Variants in ROBO2 observed in about 807,000 individuals in gnomAD.
The protein encoded by ROBO2 is roundabout guidance receptor 2.
In ROBO2, 53 loss-of-function variants were observed where a neutral mutation model predicts 160.8. That is an observed-to-expected ratio of 0.33 (90% confidence interval 0.26 to 0.41). ROBO2 has a LOEUF of 0.41. ROBO2 is among the 10% of genes least tolerant of loss of function. The pLI is 1.00. For synonymous variants in ROBO2, 664 were observed against 611.7 expected (o/e 1.09, Z -1.26); for missense variants, 1,577 against 1,722.4 (o/e 0.92, Z 1.49).
At position 76,007,402 on chromosome 3, in the gene ROBO2, C is replaced by T. The variant is rs537676231; in HGVS notation, c.109+69800C>T. Among the ~76,000 whole-genome samples the T allele has an allele frequency of 1.1e-4, 16 of 152,180 alleles. No homozygotes were observed. The South Asian group carries it at 3.3e-3, about 32-fold the overall frequency. On this transcript the variant is annotated intron_variant, in intron 2 of 26. Coordinates refer to the ROBO2 transcript ENST00000487694. ...ACTTTCAGTTACACATGGATATCCT[C>T]CATTGTCTATGTTATCATATACTTG...
chr3:76,263,040 A>T (rs1029240988), intron 2 of ROBO2, among the ~76,000 whole-genome samples: 7 of 152,166 alleles, frequency 4.6e-5, no homozygotes, highest in African/African-American at 9.6e-5. Context: ...ACCAGATAGG[A>T]TTGATAGACC....
chr3:77,127,257 G>A (rs2075426209), intron 2 of ROBO2, among the ~76,000 whole-genome samples: 1 of 151,876 alleles, frequency 6.6e-6, no homozygotes. Flanking sequence ...GCTATGCTTG[G>A]CACATAAAAC....
At chr3:76,133,175 A>G (rs1362187221) in intron 2 of ROBO2, among the ~76,000 whole-genome samples, 1 of 152,116 alleles carries the variant, frequency 6.6e-6, no homozygotes, top group South Asian at 2.1e-4. Context: ...ACCTAGTTAA[A>G]CTTCTTAGCC....
chr3:77,561,047 G>A (rs1194658851), intron 9 of ROBO2, among the ~76,000 whole-genome samples: 1 of 152,066 alleles, frequency 6.6e-6, no homozygotes, highest in African/African-American at 2.4e-5. Flanking sequence ...TTCCCTCTGT[G>A]TAATAGAAGA....
chr3:76,434,685 C>T, intron 2 of ROBO2: 1 of 1,129,004 alleles, frequency 8.9e-7, no homozygotes, highest in South Asian at 1.2e-5. Flanking sequence ...GGATCAGGTC[C>T]TCCTCCCCGT....
chr3:76,382,641 A>G (rs1156865974), intron 2 of ROBO2, among the ~76,000 whole-genome samples: 2 of 152,172 alleles, frequency 1.3e-5, no homozygotes, highest in Admixed American at 6.5e-5. Flanking sequence ...ACAACCTAAT[A>G]ATCTTCTATG....
intron 2 of ROBO2, among the ~76,000 whole-genome samples, chr3:76,929,651 A>G (rs2077210423): frequency 6.6e-6 from 1 of 152,178 alleles, no homozygotes; most frequent in Admixed American, 6.5e-5. Context: ...AAAGACTCCA[A>G]TGTCTGTGCA....
chr3:76,863,081 A>G (rs886459449), intron 2 of ROBO2, among the ~76,000 whole-genome samples: 4 of 152,140 alleles, frequency 2.6e-5, no homozygotes, highest in African/African-American at 9.7e-5. Context: ...ATTTCTTATT[A>G]TAAAGGGCAA....
At chr3:75,961,594 T>G (rs2107280156) in intron 2 of ROBO2, among the ~76,000 whole-genome samples, 1 of 151,740 alleles carries the variant, frequency 6.6e-6, no homozygotes, top group African/African-American at 2.4e-5. Context: ...CTTTATAATG[T>G]TTGGGGCTGG....
intron 2 of ROBO2, among the ~76,000 whole-genome samples, chr3:76,823,869 TA>T (rs1017698743): frequency 1.3e-5 from 2 of 152,146 alleles, no homozygotes; most frequent in African/African-American, 4.8e-5. Flanking sequence ...AAAAGAATAA[TA>T]GTGACTTTCC....
rs551735540 is a variant in ROBO2 at position 76,133,571 on chromosome 3, A to G, written c.109+195969A>G. Among the ~76,000 whole-genome samples the G allele has an allele frequency of 3.3e-5, 5 of 152,164 alleles. No individual in the cohort carries two copies. In the East Asian group the frequency reaches 9.7e-4, roughly 29 times the overall value. ...AGCCAGGAAGCCAGTCTGAGTCCCA[A>G]ACCACAAAAGTAGGGAAGCCGACAG... On this transcript the variant is annotated intron_variant, in intron 2 of 26. Transcript: ENST00000487694.
intron 2 of ROBO2, among the ~76,000 whole-genome samples, chr3:76,504,592 A>G (rs1368560475): frequency 7.7e-6 from 1 of 130,534 alleles, no homozygotes; most frequent in Non-Finnish European, 1.5e-5. Context: ...GCAGTGGTGC[A>G]ATCTCAGCTC....
At chr3:77,495,917 C>A (rs1041319480) in intron 5 of ROBO2, among the ~76,000 whole-genome samples, 2 of 152,210 alleles carry the variant, frequency 1.3e-5, no homozygotes, top group Admixed American at 1.3e-4. Flanking sequence ...TTATTTCCAG[C>A]TTAATGTAGG....
rs141197767 is a variant in ROBO2, at chr3:77,004,713, G to A, written c.110-93301G>A. Among the ~76,000 whole-genome samples, 449 of 152,252 alleles carry A rather than the reference G, an allele frequency of 2.9e-3. 1 individual carries two copies. The highest frequency in any genetic ancestry group is 5.2e-3 in the Admixed American group (80 of 15,290). ...ATTTCGCTTTCAGTAAAATGTTTCG[G>A]TGCTGATATTTGTTTTCTCAAATAT... On this transcript the variant is annotated intron_variant, in intron 2 of 26. Coordinates refer to the ROBO2 transcript ENST00000487694.
chr3:76,252,745 G>A lies in ROBO2; in HGVS notation c.109+315143G>A, dbSNP rs151163075. On this transcript the variant is annotated intron_variant, in intron 2 of 26. Transcript: ENST00000487694. Reference sequence around the variant, plus strand: ...TCACATATATACATATATATAAAACGCATGTATATGTATACACACACACAC... The same window carrying A: ...TCACATATATACATATATATAAAACACATGTATATGTATACACACACACAC... 4.6e-3 allele frequency among the ~76,000 whole-genome samples: 531 copies of A among 116,560 alleles called. 5 individuals carry two copies. Among genetic ancestry groups the A allele is most frequent in the African/African-American group, 0.015 (506 of 33,266 alleles). 76.5% of individuals were successfully genotyped at this position (116,560 alleles called of 152,430 possible). A position where few individuals can be genotyped will look rare whatever the true frequency, so the allele number is the denominator to read the frequency against.
intron 2 of ROBO2, among the ~76,000 whole-genome samples, chr3:76,232,977 G>C (rs1362511898): frequency 6.6e-6 from 1 of 152,140 alleles, no homozygotes; most frequent in Admixed American, 6.5e-5. Context: ...TCTTTCTAAA[G>C]AAGAACTGTC....
intron 2 of ROBO2, among the ~76,000 whole-genome samples, chr3:77,131,083 T>C (rs1260851371): frequency 6.6e-6 from 1 of 152,182 alleles, no homozygotes; most frequent in East Asian, 1.9e-4. Flanking sequence ...ATGGCATTAA[T>C]GGGACTGAGA....
At chr3:76,098,389 A>G (rs1025252442) in intron 2 of ROBO2, among the ~76,000 whole-genome samples, 16 of 152,098 alleles carry the variant, frequency 1.1e-4, no homozygotes, top group Non-Finnish European at 2.4e-4. Context: ...ACATATTGTA[A>G]ATTTTATTTT....
At chr3:76,875,654 G>C (rs200303181) in intron 2 of ROBO2, among the ~76,000 whole-genome samples, 1 of 151,706 alleles carries the variant, frequency 6.6e-6, no homozygotes, top group East Asian at 1.9e-4. Context: ...AGACCCTTTT[G>C]CCTCCATCTT....
Sources: gnomAD v4.1 joint callset for allele counts (sites outside exome capture counted in the v4.1 genomes callset) on GRCh38, gnomAD v4.1.1 for gene constraint, MANE v1.5 for transcripts, NCBI Gene and HGNC (gene_info 2026-07-23, HGNC 2026-07-21) for gene names.